EEPD1: variants seen among roughly 807,000 people sequenced by gnomAD.
The protein encoded by EEPD1 is endonuclease/exonuclease/phosphatase family domain-containing protein 1.
EEPD1 carries 17 observed loss-of-function variants against 46.3 expected under a neutral mutation model. The ratio of observed to expected loss-of-function variants is 0.37; its 90% confidence interval spans 0.25 to 0.55. The LOEUF (loss-of-function observed/expected upper bound fraction) is 0.55. EEPD1 is among the 20% of genes least tolerant of loss of function. The pLI is 0.83. For synonymous variants in EEPD1, 313 were observed against 315.6 expected, an observed-to-expected ratio of 0.99 and a Z score of 0.09; for missense variants, 673 against 745.6, an observed-to-expected ratio of 0.90 and a Z score of 1.13.
At chr7:36,157,803 G>T (rs1426077346) in intron 2 of EEPD1, among the ~76,000 whole-genome samples, 1 of 152,182 alleles carries the variant, frequency 6.6e-6, no homozygotes, top group Non-Finnish European at 1.5e-5. Flanking sequence ...GACTGTCCTA[G>T]GGTATCAAAA....
chr7:36,239,472 A>C (rs544155428), intron 3 of EEPD1, among the ~76,000 whole-genome samples: 1 of 152,196 alleles, frequency 6.6e-6, no homozygotes, highest in South Asian at 2.1e-4. Context: ...CAAATGAACT[A>C]AGTAGAGGAG....
At chr7:36,170,465 C>T (rs1210882363) in intron 2 of EEPD1, among the ~76,000 whole-genome samples, 1 of 151,480 alleles carries the variant, frequency 6.6e-6, no homozygotes, top group Non-Finnish European at 1.5e-5. Context: ...GTTCTTTTAA[C>T]TCCTGCTGTG....
At chr7:36,185,712 G>C (rs185705449) in intron 2 of EEPD1, among the ~76,000 whole-genome samples, 1 of 152,158 alleles carries the variant, frequency 6.6e-6, no homozygotes, top group Non-Finnish European at 1.5e-5. Context: ...CCTCCTATAA[G>C]GTGAGGAAAA....
At chr7:36,234,240 GGT>G (rs903837364) in intron 2 of EEPD1, among the ~76,000 whole-genome samples, 4 of 152,086 alleles carry the variant, frequency 2.6e-5, no homozygotes, top group Admixed American at 2.6e-4. Flanking sequence ...TGGTGTTGGT[GGT>G]TTCTTATAAG....
At chr7:36,198,549 T>A (rs1785655466) in intron 2 of EEPD1, among the ~76,000 whole-genome samples, 2 of 152,008 alleles carry the variant, frequency 1.3e-5, no homozygotes, top group East Asian at 1.9e-4. Flanking sequence ...TGTCAATTAA[T>A]AAATAAATAA....
At chr7:36,243,418 G>C (rs1434719203) in intron 3 of EEPD1, among the ~76,000 whole-genome samples, 1 of 151,928 alleles carries the variant, frequency 6.6e-6, no homozygotes, top group African/African-American at 2.4e-5. Flanking sequence ...TAAGAAAATA[G>C]TCTTAATTCA....
intron 2 of EEPD1, among the ~76,000 whole-genome samples, chr7:36,176,010 C>G (rs1192741668): frequency 1.3e-5 from 2 of 152,306 alleles, no homozygotes. Context: ...GCCCTTTCAG[C>G]CCTGAGTGAG....
At chr7:36,255,000 T>C (rs1263490624) in intron 3 of EEPD1, among the ~76,000 whole-genome samples, 1 of 152,220 alleles carries the variant, frequency 6.6e-6, no homozygotes, top group African/African-American at 2.4e-5. Context: ...TTATTTCTTT[T>C]AAATTTGCTT....
chr7:36,215,334 G>A lies in EEPD1; in HGVS notation c.879-23651G>A, dbSNP rs184280466. Among the ~76,000 whole-genome samples, 422 of 152,362 alleles carry A rather than the reference G, an allele frequency of 2.8e-3. 1 individual carries two copies. The highest frequency in any genetic ancestry group is 0.013 in the South Asian group (63 of 4,830). ...CCCAGGAGATGAAAGCCGATTTGGC[G>A]GGGCTGGGGGCTGCTGCTGCTGCTT... On this transcript the variant is annotated intron_variant, in intron 2 of 7. Transcript: ENST00000242108.
rs181176979 is a variant in EEPD1, at chr7:36,196,603, G to C, written c.878+41401G>C. Among the ~76,000 whole-genome samples the C allele has an allele frequency of 1.1e-4, 17 of 152,368 alleles. 1 individual carries two copies. In the East Asian group the frequency reaches 2.3e-3, roughly 21 times the overall value. On this transcript the variant is annotated intron_variant, in intron 2 of 7. Coordinates refer to ENST00000242108, the MANE Select transcript of EEPD1 (RefSeq NM_030636.3). ...GTTTTCCTGTTTCTTTGGTGGGGAC[G>C]GGGTTTCACTGTGTTGGCCGGACTG...
chr7:36,204,868 C>G (rs1785784555), intron 2 of EEPD1, among the ~76,000 whole-genome samples: 1 of 152,158 alleles, frequency 6.6e-6, no homozygotes. Context: ...CTGTTAATGA[C>G]TTCCTGGGTA....
intron 2 of EEPD1, among the ~76,000 whole-genome samples, chr7:36,157,789 G>A (rs1784847848): frequency 6.6e-6 from 1 of 152,160 alleles, no homozygotes; most frequent in African/African-American, 2.4e-5. Context: ...TGCTTTGTCT[G>A]TATGACTGTC....
chr7:36,163,884 A>G (rs938118273), intron 2 of EEPD1, among the ~76,000 whole-genome samples: 5 of 36,186 alleles, frequency 1.4e-4, no homozygotes, highest in African/African-American at 1.3e-4. Flanking sequence ...TCTCAGGAAG[A>G]AAAAAAAAAA....
At chr7:36,205,798 G>A (rs1785803259) in intron 2 of EEPD1, among the ~76,000 whole-genome samples, 2 of 152,186 alleles carry the variant, frequency 1.3e-5, no homozygotes, top group South Asian at 4.1e-4. Context: ...TTTAAAGTGT[G>A]ACTGCCTCAG....
intron 4 of EEPD1, among the ~76,000 whole-genome samples, chr7:36,283,038 C>T (rs2115873983): frequency 6.6e-6 from 1 of 152,328 alleles, no homozygotes; most frequent in Admixed American, 6.5e-5. Flanking sequence ...GGCATCTTCT[C>T]CCCAGCTCCC....
rs141127241 is a variant in EEPD1 at position 36,296,116 on chromosome 7, C to A, written c.1316-877C>A. 7.7e-3 allele frequency among the ~76,000 whole-genome samples: 1,165 copies of A among 150,764 alleles called. 22 individuals carry two copies. Among genetic ancestry groups the A allele is most frequent in the Admixed American group, 0.034 (519 of 15,126 alleles). On this transcript the variant is annotated intron_variant, in intron 6 of 7. Coordinates refer to ENST00000242108, the MANE Select transcript of EEPD1 (RefSeq NM_030636.3). Reference sequence around the variant, plus strand: ...CTACTGGGAACAGCCTTAAAAGTGACCAGCAGCAGGAAAATGGTACATTAT... The same window carrying A: ...CTACTGGGAACAGCCTTAAAAGTGAACAGCAGCAGGAAAATGGTACATTAT...
chr7:36,233,677 G>A (rs1046632993), intron 2 of EEPD1, among the ~76,000 whole-genome samples: 5 of 152,176 alleles, frequency 3.3e-5, no homozygotes, highest in Non-Finnish European at 5.9e-5. Context: ...GTCCAGGGAA[G>A]TTTGCTTGGA....
intron 3 of EEPD1, among the ~76,000 whole-genome samples, chr7:36,279,501 G>A (rs979054952): frequency 2.0e-5 from 3 of 152,214 alleles, no homozygotes; most frequent in African/African-American, 4.8e-5. Flanking sequence ...AAAGCAATGT[G>A]AGGGGAAAGA....
intron 3 of EEPD1, among the ~76,000 whole-genome samples, chr7:36,263,487 C>CT (rs1356602011): frequency 6.6e-6 from 1 of 152,230 alleles, no homozygotes; most frequent in Non-Finnish European, 1.5e-5. Flanking sequence ...AGAAATCTAT[C>CT]TAAGAGGCTA....
Sources: allele counts gnomAD v4.1 joint callset (sites outside exome capture counted in the v4.1 genomes callset), GRCh38; gene constraint gnomAD v4.1.1; transcripts MANE v1.5; gene names NCBI Gene and HGNC (gene_info 2026-07-23, HGNC 2026-07-21).